Variants in HECA observed in about 807,000 individuals in gnomAD.
HECA encodes HECA ribonucleoprotein granule regulator, also known as headcase protein homolog.
A neutral mutation model predicts 37.6 loss-of-function variants in HECA; 13 were observed. That is an observed-to-expected ratio of 0.35 (90% confidence interval 0.23 to 0.55). The LOEUF (loss-of-function observed/expected upper bound fraction) is 0.55. HECA is among the 20% of genes least tolerant of loss of function. HECA has a pLI of 0.90. For missense variants in HECA, 527 were observed against 701.9 expected, an observed-to-expected ratio of 0.75 and a Z score of 2.82; for synonymous variants, 307 against 291.5, an observed-to-expected ratio of 1.05 and a Z score of -0.54.
intron 1 of HECA, chr6:139,165,891 G>GT (rs1774877396): frequency 6.1e-6 from 1 of 165,096 alleles, no homozygotes. Flanking sequence ...AAGAATTCTG[G>GT]TTTTTTCCTT....
At chr6:139,158,567 A>G (rs956550109) in intron 1 of HECA, among the ~76,000 whole-genome samples, 6 of 150,520 alleles carry the variant, frequency 4.0e-5, no homozygotes, top group Non-Finnish European at 5.9e-5. Context: ...CTGTAGTCCC[A>G]TGCTGAGGTG....
chr6:139,173,099 G>A (rs1009631382), intron 2 of HECA, among the ~76,000 whole-genome samples: 8 of 152,148 alleles, frequency 5.3e-5, no homozygotes, highest in Admixed American at 3.9e-4. Context: ...ATCCTTGAAC[G>A]GACTTCCTAA....
chr6:139,174,601 G>T (rs944420417), intron 3 of HECA, 62 bp downstream of exon 3: 1 of 1,571,982 alleles, frequency 6.4e-7, no homozygotes, highest in South Asian at 1.2e-5. Flanking sequence ...CCAAGTGAAT[G>T]TAGGGAAGAT....
chr6:139,172,239 C>T (rs2114488473), intron 2 of HECA, among the ~76,000 whole-genome samples: 1 of 152,308 alleles, frequency 6.6e-6, no homozygotes, highest in East Asian at 1.9e-4. Context: ...GCTGAGACTA[C>T]AGGCATGAGC....
At chr6:139,172,351 G>A (rs1774986073) in intron 2 of HECA, among the ~76,000 whole-genome samples, 1 of 152,210 alleles carries the variant, frequency 6.6e-6, no homozygotes, top group Admixed American at 6.5e-5. Flanking sequence ...GGGCTGACAT[G>A]CTGCTGCAGT....
At chr6:139,137,280 A>T (rs1015835774) in intron 1 of HECA, among the ~76,000 whole-genome samples, 1 of 152,098 alleles carries the variant, frequency 6.6e-6, no homozygotes, top group East Asian at 1.9e-4. Flanking sequence ...TGGAAAGGTC[A>T]GTCTTCCAGA....
chr6:139,164,191 G>T (rs909573518), intron 1 of HECA, among the ~76,000 whole-genome samples: 2 of 151,842 alleles, frequency 1.3e-5, no homozygotes, highest in African/African-American at 2.4e-5. Flanking sequence ...TTCCAGTCCC[G>T]TGCCCCACGC....
chr6:139,171,445 A>G (rs1460791581), intron 2 of HECA, among the ~76,000 whole-genome samples: 1 of 152,220 alleles, frequency 6.6e-6, no homozygotes, highest in African/African-American at 2.4e-5. Flanking sequence ...AAACCTGAAG[A>G]TCAGGGTGTT....
At chr6:139,156,789 T>C (rs948574997) in intron 1 of HECA, among the ~76,000 whole-genome samples, 1 of 152,244 alleles carries the variant, frequency 6.6e-6, no homozygotes, top group Non-Finnish European at 1.5e-5. Context: ...TTCTGAATTA[T>C]GTAAGTTCTT....
chr6:139,135,592 G>A lies in HECA; in HGVS notation c.196G>A (p.Ala66Thr). 2 of 966,196 alleles carry A rather than the reference G, an allele frequency of 2.1e-6. No homozygotes were observed. Among genetic ancestry groups the A allele is most frequent in the Non-Finnish European group, 1.2e-6 (1 of 816,528 alleles). The allele number at this position is 966,196 out of a possible 1,614,324, so 59.9% of individuals were successfully genotyped here. A position where few individuals can be genotyped will look rare whatever the true frequency, so the allele number is the denominator to read the frequency against. ...GCCGGGCGCCGGAGGCGCGGCGGGC[G>A]CCGGAGGCGCGGGGACTGGCGCCGC... ...GAPGAGGAAG[A>T]GGAGTGAANA... The change falls in exon 1 of 4, where the codon GCC (alanine) becomes ACC (threonine). Residue 66 changes from alanine to threonine, a missense_variant. This residue lies in a region of HECA where 172 missense variants were observed against 197.6 expected (regional missense o/e 0.87). Coordinates refer to ENST00000367658, the MANE Select transcript of HECA (RefSeq NM_016217.3).
At chr6:139,160,166 T>A (rs1019758636) in intron 1 of HECA, among the ~76,000 whole-genome samples, 1 of 152,202 alleles carries the variant, frequency 6.6e-6, no homozygotes, top group Admixed American at 6.5e-5. Flanking sequence ...CCCTGTTTAT[T>A]TTAACTTGAG....
At chr6:139,154,528 T>C (rs1338493010) in intron 1 of HECA, among the ~76,000 whole-genome samples, 1 of 152,206 alleles carries the variant, frequency 6.6e-6, no homozygotes, top group African/African-American at 2.4e-5. Flanking sequence ...GAGTTGTGAG[T>C]TGTATTTTCT....
intron 1 of HECA, among the ~76,000 whole-genome samples, chr6:139,160,490 T>G (rs1774783573): frequency 6.6e-6 from 1 of 152,258 alleles, no homozygotes; most frequent in Non-Finnish European, 1.5e-5. Flanking sequence ...CGAGGCTCAC[T>G]GCAGCCTCAA....
intron 1 of HECA, among the ~76,000 whole-genome samples, chr6:139,153,509 G>A (rs959861876): frequency 4.0e-5 from 6 of 151,548 alleles, no homozygotes; most frequent in South Asian, 2.1e-4. Context: ...TGCGGTCTCC[G>A]CCTTCCAGGT....
In HECA at chr6:139,135,649, G is replaced by A. The variant is rs1244763819; in HGVS notation, c.253G>A (p.Ala85Thr). Residue 85 changes from alanine (A) to threonine (T), a missense_variant, in exon 1 of 4, where the codon GCG (alanine) becomes ACG (threonine). Physicochemically the swap from Ala to Thr is moderately conservative, Grantham distance 58 (BLOSUM62 0). Transcript: ENST00000367658. ...NAAAAAGAAA[A>T]GDAKNEAPCA... ...TGCGGCCGCCGCGGGGGCTGCGGCCGCGGGCGATGCCAAAAACGGTAAGAC... is the reference window on the plus strand; with the variant it reads ...TGCGGCCGCCGCGGGGGCTGCGGCCACGGGCGATGCCAAAAACGGTAAGAC... The A allele has an allele frequency of 2.0e-6, 2 of 980,486 alleles. No individual in the cohort carries two copies. Among genetic ancestry groups the A allele is most frequent in the Non-Finnish European group, 1.2e-6 (1 of 826,076 alleles). The allele number at this position is 980,486 out of a possible 1,614,324, so 60.7% of individuals were successfully genotyped here.
At chr6:139,169,462 A>G (rs1223097166) in intron 2 of HECA, 3 of 152,164 alleles carry the variant, frequency 2.0e-5, no homozygotes, top group Non-Finnish European at 4.4e-5. Flanking sequence ...TTCTTGTGCT[A>G]CCTTTGTGAG....
intron 1 of HECA, among the ~76,000 whole-genome samples, chr6:139,149,311 T>C (rs1774624080): frequency 6.6e-6 from 1 of 152,352 alleles, no homozygotes; most frequent in African/African-American, 2.4e-5. Flanking sequence ...TCTGCCATTT[T>C]GCAAGGCTGC....
intron 1 of HECA, among the ~76,000 whole-genome samples, chr6:139,164,895 G>A (rs891817131): frequency 1.4e-5 from 2 of 148,062 alleles, no homozygotes; most frequent in African/African-American, 5.0e-5. Flanking sequence ...CTCCCAGTTT[G>A]GCCCCACATT....
At chr6:139,171,429 G>T (rs1243386790) in intron 2 of HECA, among the ~76,000 whole-genome samples, 2 of 152,192 alleles carry the variant, frequency 1.3e-5, no homozygotes, top group Non-Finnish European at 2.9e-5. Flanking sequence ...TTGAACGTTT[G>T]ATGTAAAACC....
Sources: allele counts gnomAD v4.1 joint callset (sites outside exome capture counted in the v4.1 genomes callset), GRCh38; gene constraint gnomAD v4.1.1; regional missense constraint gnomAD v4.1.1; transcripts MANE v1.5; gene names NCBI Gene and HGNC (gene_info 2026-07-23, HGNC 2026-07-21).